CFAP299: variants seen among roughly 807,000 people sequenced by gnomAD.
CFAP299 encodes cilia- and flagella-associated protein 299.
CFAP299 carries 21 observed loss-of-function variants against 27.0 expected under a neutral mutation model. That is an observed-to-expected ratio of 0.78 (90% CI 0.55 to 1.12). The LOEUF is 1.12. CFAP299 is among the 50% of genes most tolerant of loss of function. The pLI, the probability that CFAP299 is intolerant of heterozygous loss-of-function variation, is 0.00. For synonymous variants in CFAP299, 104 were observed against 98.1 expected, an observed-to-expected ratio of 1.06 and a Z score of -0.36; for missense variants, 310 against 276.6, an observed-to-expected ratio of 1.12 and a Z score of -0.86.
chr4:80,773,041 G>T (rs938786042), intron 3 of CFAP299, among the ~76,000 whole-genome samples: 4 of 152,132 alleles, frequency 2.6e-5, no homozygotes, highest in Non-Finnish European at 4.4e-5. Context: ...AAGAAAGAAT[G>T]AGATCACGTC....
the CFAP299 span, among the ~76,000 whole-genome samples, chr4:80,330,023 T>A: frequency 6.6e-6 from 1 of 152,236 alleles, no homozygotes; most frequent in Non-Finnish European, 1.5e-5. Flanking sequence ...ACCAGGAAGG[T>A]TTCATTAAAA....
At chr4:80,918,526 CAGAG>C (rs1023719362) in intron 4 of CFAP299, among the ~76,000 whole-genome samples, 1 of 151,430 alleles carries the variant, frequency 6.6e-6, no homozygotes, top group African/African-American at 2.4e-5. Flanking sequence ...ATTATTTCTA[CAGAG>C]AGAGAGAGAA....
intron 2 of CFAP299, chr4:80,387,963 C>A: frequency 1.3e-6 from 1 of 767,068 alleles, no homozygotes; most frequent in Non-Finnish European, 2.3e-6. Flanking sequence ...GGGCTGTACA[C>A]TGTGGGGGTG....
At chr4:80,456,117 G>T (rs1192749565) in intron 2 of CFAP299, among the ~76,000 whole-genome samples, 1 of 152,078 alleles carries the variant, frequency 6.6e-6, no homozygotes, top group Non-Finnish European at 1.5e-5. Flanking sequence ...AATGAACTAA[G>T]GTAGCAAGCC....
intron 1 of CFAP299, among the ~76,000 whole-genome samples, chr4:80,339,160 G>A (rs1239046628): frequency 6.6e-6 from 1 of 152,072 alleles, no homozygotes; most frequent in Non-Finnish European, 1.5e-5. Flanking sequence ...CTCTCTCCAG[G>A]GTCTGGCAGC....
At chr4:80,541,060 C>T (rs1261079709) in intron 2 of CFAP299, among the ~76,000 whole-genome samples, 2 of 152,182 alleles carry the variant, frequency 1.3e-5, no homozygotes, top group African/African-American at 4.8e-5. Context: ...GAGAAATTTG[C>T]TTCCCCTAAG....
chr4:80,940,634 A>G (rs999369264), intron 4 of CFAP299, among the ~76,000 whole-genome samples: 2 of 152,144 alleles, frequency 1.3e-5, no homozygotes, highest in South Asian at 2.1e-4. Context: ...TTATTCCATT[A>G]TCTTGCTGAT....
intron 3 of CFAP299, among the ~76,000 whole-genome samples, chr4:80,679,607 T>G (rs907295854): frequency 6.6e-6 from 1 of 151,928 alleles, no homozygotes; most frequent in African/African-American, 2.4e-5. Flanking sequence ...TTAAAAAAAA[T>G]GGCTACTAAT....
chr4:80,921,860 T>C (rs1736062111), intron 4 of CFAP299, among the ~76,000 whole-genome samples: 1 of 151,266 alleles, frequency 6.6e-6, no homozygotes, highest in Non-Finnish European at 1.5e-5. Flanking sequence ...ATGGAGGGAA[T>C]CTGGTGGTGA....
chr4:80,807,299 CATATG>C (rs1388471671), intron 3 of CFAP299, among the ~76,000 whole-genome samples: 1 of 152,042 alleles, frequency 6.6e-6, no homozygotes, highest in Non-Finnish European at 1.5e-5. Context: ...TAAAATGAAA[CATATG>C]ATATATGTTG....
At chr4:80,785,044 T>C (rs1201440180) in intron 3 of CFAP299, among the ~76,000 whole-genome samples, 1 of 152,080 alleles carries the variant, frequency 6.6e-6, no homozygotes, top group Non-Finnish European at 1.5e-5. Flanking sequence ...GAATGTAGTC[T>C]CATTTATTTT....
At chr4:80,514,896 T>C (rs1260338151) in intron 2 of CFAP299, among the ~76,000 whole-genome samples, 2 of 152,074 alleles carry the variant, frequency 1.3e-5, no homozygotes, top group East Asian at 3.8e-4. Flanking sequence ...AAAAGACTAA[T>C]CTGTCTTATT....
intron 5 of CFAP299, among the ~76,000 whole-genome samples, chr4:80,954,317 C>G (rs1442285655): frequency 2.0e-5 from 3 of 152,180 alleles, no homozygotes; most frequent in African/African-American, 7.2e-5. Flanking sequence ...TCCCATGACT[C>G]TTTCTCAGCC....
At chr4:80,583,884 G>A (rs1736298043) in intron 3 of CFAP299, among the ~76,000 whole-genome samples, 1 of 151,886 alleles carries the variant, frequency 6.6e-6, no homozygotes, top group Non-Finnish European at 1.5e-5. Flanking sequence ...ATCAGAAATA[G>A]TGTGATAAAA....
chr4:80,376,373 A>G (rs1724410464), intron 2 of CFAP299, among the ~76,000 whole-genome samples: 1 of 152,106 alleles, frequency 6.6e-6, no homozygotes, highest in South Asian at 2.1e-4. Flanking sequence ...CTTCCTGTAA[A>G]TATTTTAAAA....
At chr4:80,565,746 A>C (rs1322453850) in intron 2 of CFAP299, among the ~76,000 whole-genome samples, 1 of 152,094 alleles carries the variant, frequency 6.6e-6, no homozygotes, top group African/African-American at 2.4e-5. Flanking sequence ...AGGAAAAAAA[A>C]GATCTGCAAA....
At chr4:80,929,157 T>C (rs1157112412) in intron 4 of CFAP299, among the ~76,000 whole-genome samples, 1 of 151,984 alleles carries the variant, frequency 6.6e-6, no homozygotes. Context: ...TCTATGGCAA[T>C]GCTACCCATC....
At chr4:80,873,335 C>A (rs749781638) in intron 4 of CFAP299, among the ~76,000 whole-genome samples, 1 of 152,084 alleles carries the variant, frequency 6.6e-6, no homozygotes, top group Non-Finnish European at 1.5e-5. Flanking sequence ...TGCATTTTTA[C>A]TGTGGAAAAT....
intron 3 of CFAP299, among the ~76,000 whole-genome samples, chr4:80,808,398 C>A (rs925792368): frequency 6.6e-6 from 1 of 152,132 alleles, no homozygotes; most frequent in African/African-American, 2.4e-5. Flanking sequence ...CTAAACATAG[C>A]GCTGTGATGT....
Sources: allele counts gnomAD v4.1 joint callset (sites outside exome capture counted in the v4.1 genomes callset), GRCh38; gene constraint gnomAD v4.1.1; transcripts MANE v1.5; gene names NCBI Gene and HGNC (gene_info 2026-07-23, HGNC 2026-07-21).